GRIK4: variants seen among roughly 807,000 people sequenced by gnomAD.
GRIK4 encodes the protein glutamate ionotropic receptor kainate type subunit 4.
A neutral mutation model predicts 104.9 loss-of-function variants in GRIK4; 40 were observed. That is an observed-to-expected ratio of 0.38 (90% confidence interval 0.30 to 0.50). GRIK4 has a LOEUF of 0.50. Among genes scored for constraint, GRIK4 ranks in the 20% least tolerant of loss-of-function variants. GRIK4 has a pLI of 0.93. For synonymous variants in GRIK4, 485 were observed against 524.9 expected (o/e 0.92, Z 1.04); for missense variants, 1,047 against 1,308.1 (o/e 0.80, Z 3.08).
In GRIK4 at chr11:120,861,994, T is replaced by C; in HGVS notation, c.780T>C (p.Asp260=). 6.2e-7 allele frequency: 1 copy of C among 1,613,942 alleles called. No homozygotes were observed. Among genetic ancestry groups the C allele is most frequent in the Non-Finnish European group, 8.5e-7 (1 of 1,179,780 alleles). Residue 260 remains aspartate, a synonymous_variant, in exon 9 of 21, where the codon GAT becomes GAC. Coordinates refer to ENST00000527524, the MANE Select transcript of GRIK4 (RefSeq NM_014619.5). The part of the protein sequence containing the change: ...FSLQRMDSLV[D]DRVNILGFSI... ...TCCAGAGAATGGACAGCCTTGTGGATGATCGTGTCAACATCCTGGGATTTT... is the reference window on the plus strand; with the variant it reads ...TCCAGAGAATGGACAGCCTTGTGGACGATCGTGTCAACATCCTGGGATTTT...
Position 120,956,691 on chromosome 11 carries a change from C to T in GRIK4, c.1701-89C>T, listed in dbSNP as rs371503449. 92 of 977,648 alleles carry T rather than the reference C, an allele frequency of 9.4e-5. 3 individuals are homozygous for T. In the South Asian group the frequency reaches 2.8e-3, roughly 29 times the overall value. 60.6% of individuals were successfully genotyped at this position (977,648 alleles called of 1,614,324 possible). ...GGCTTGCCCAAGGCCACAGGCCGGT[C>T]TCAGAGGTGAGACCAGCCAGGAGAG... On this transcript the variant is annotated intron_variant, in intron 15 of 20. Transcript: ENST00000527524. The surrounding 1 kb of genome is among the most constrained non-coding windows in gnomAD (Gnocchi z 4.6).
At chr11:120,918,031 T>G (rs979016191) in intron 13 of GRIK4, among the ~76,000 whole-genome samples, 22 of 152,222 alleles carry the variant, frequency 1.4e-4, no homozygotes, top group Admixed American at 1.2e-3. Flanking sequence ...TCTTAATGTC[T>G]TCTAAGAATT....
At chr11:120,849,163 GCACACACA>G (rs143931502) in intron 8 of GRIK4, among the ~76,000 whole-genome samples, 1 of 149,956 alleles carries the variant, frequency 6.7e-6, no homozygotes, top group African/African-American at 2.4e-5. Flanking sequence ...CCCAACGCGC[GCACACACA>G]CACACACACA....
rs201415780 is a variant in GRIK4, at chr11:120,967,227, A to G, written c.2299A>G (p.Ile767Val). The G allele has an allele frequency of 5.9e-4, 950 of 1,613,836 alleles. 1 individual carries two copies. Among genetic ancestry groups the G allele is most frequent in the Non-Finnish European group, 7.8e-4 (916 of 1,179,848 alleles). ...SVFRDEFDLA[I>V]LQLQENNRLE... ...TTTCCGGGACGAGTTTGATCTGGCC[A>G]TTCTCCAGCTGCAGGAGAACAACCG... Residue 767 changes from isoleucine (I) to valine (V), a missense_variant, in exon 19 of 21, where the codon ATT (isoleucine) becomes GTT (valine). By Grantham distance (29) the Ile-to-Val change is conservative. Coordinates refer to ENST00000527524, the MANE Select transcript of GRIK4 (RefSeq NM_014619.5). This position sits in a 1 kb window ranked among gnomAD's most constrained non-coding sequence, Gnocchi z 4.2.
intron 4 of GRIK4, 66 bp from the exon 5 acceptor site, chr11:120,815,312 G>A: frequency 2.3e-6 from 2 of 886,076 alleles, no homozygotes; most frequent in Non-Finnish European, 3.6e-6. Context: ...GAGAGGACTG[G>A]GCCATGGCGC....
chr11:120,726,308 G>A (rs1362861154), intron 3 of GRIK4, among the ~76,000 whole-genome samples: 1 of 152,170 alleles, frequency 6.6e-6, no homozygotes, highest in Non-Finnish European at 1.5e-5. Context: ...TAAACATGGG[G>A]ATGATATATC....
At chr11:120,537,676 T>C (rs1947991565) in intron 1 of GRIK4, among the ~76,000 whole-genome samples, 2 of 152,230 alleles carry the variant, frequency 1.3e-5, no homozygotes, top group Non-Finnish European at 2.9e-5. Context: ...TGGTGCACTG[T>C]GGACGGGCAC....
intron 6 of GRIK4, among the ~76,000 whole-genome samples, chr11:120,821,585 G>A (rs1266903411): frequency 3.3e-5 from 5 of 152,224 alleles, no homozygotes; most frequent in African/African-American, 9.6e-5. Context: ...GTGTGCCCTT[G>A]TGGAACAACT....
At chr11:120,708,731 C>T (rs898255555) in intron 3 of GRIK4, among the ~76,000 whole-genome samples, 22 of 152,228 alleles carry the variant, frequency 1.4e-4, no homozygotes, top group African/African-American at 5.3e-4. Context: ...CCGAGACCTG[C>T]TGTCTTCCTG....
chr11:120,854,340 C>T (rs565652702), intron 8 of GRIK4, among the ~76,000 whole-genome samples: 2 of 152,282 alleles, frequency 1.3e-5, no homozygotes, highest in Admixed American at 6.5e-5. Flanking sequence ...TTTTAAACAC[C>T]ACTGTTAGGA....
chr11:120,923,403 C>CTT (rs1188786554), intron 13 of GRIK4, among the ~76,000 whole-genome samples: 1 of 132,956 alleles, frequency 7.5e-6, no homozygotes. Flanking sequence ...TCCATTTGCT[C>CTT]ATTTTTTTTT....
At chr11:120,796,377 A>T (rs1462751464) in intron 3 of GRIK4, among the ~76,000 whole-genome samples, 1 of 152,142 alleles carries the variant, frequency 6.6e-6, no homozygotes, top group Non-Finnish European at 1.5e-5. Flanking sequence ...GAATCTGCAG[A>T]TGCAGAACCC....
At chr11:120,574,648 A>G (rs1295229542) in intron 1 of GRIK4, among the ~76,000 whole-genome samples, 1 of 152,144 alleles carries the variant, frequency 6.6e-6, no homozygotes, top group East Asian at 1.9e-4. Context: ...TGTCTTGTTC[A>G]CTATTGAACC....
At chr11:120,783,133 C>G (rs940465305) in intron 3 of GRIK4, among the ~76,000 whole-genome samples, 4 of 152,214 alleles carry the variant, frequency 2.6e-5, no homozygotes, top group South Asian at 2.1e-4. Context: ...AGCAGCCCCC[C>G]CACAGAGAAT....
At chr11:120,582,255 T>A (rs201666323) in intron 1 of GRIK4, among the ~76,000 whole-genome samples, 4 of 150,982 alleles carry the variant, frequency 2.6e-5, no homozygotes, top group African/African-American at 4.9e-5. Flanking sequence ...TTTTTTTTTT[T>A]AAATAGTATG....
chr11:120,865,919 G>C (rs900934015), intron 9 of GRIK4, among the ~76,000 whole-genome samples: 4 of 152,146 alleles, frequency 2.6e-5, no homozygotes, highest in African/African-American at 9.7e-5. Context: ...ATTCTTGGTG[G>C]AAGGCAAGGG....
chr11:120,795,386 G>T (rs1233495217), intron 3 of GRIK4, among the ~76,000 whole-genome samples: 1 of 152,202 alleles, frequency 6.6e-6, no homozygotes, highest in Non-Finnish European at 1.5e-5. Flanking sequence ...CCTCTGGCGG[G>T]TCATCCACCC....
At chr11:120,801,195 GT>G (rs1282305407) in intron 3 of GRIK4, among the ~76,000 whole-genome samples, 2 of 152,106 alleles carry the variant, frequency 1.3e-5, no homozygotes, top group Non-Finnish European at 2.9e-5. Context: ...GTATTTTTTT[GT>G]GTATGTCTGG....
chr11:120,934,675 C>G (rs1444365873), intron 13 of GRIK4, among the ~76,000 whole-genome samples: 1 of 152,164 alleles, frequency 6.6e-6, no homozygotes, highest in Non-Finnish European at 1.5e-5. Flanking sequence ...GGGGATCTCT[C>G]AGAGGCAGAA....
Sources: allele counts gnomAD v4.1 joint callset (sites outside exome capture counted in the v4.1 genomes callset), GRCh38; gene constraint gnomAD v4.1.1; non-coding constraint Gnocchi (gnomAD v3.1); transcripts MANE v1.5; gene names NCBI Gene and HGNC (gene_info 2026-07-23, HGNC 2026-07-21).